SLC22A11: variants seen among roughly 807,000 people sequenced by gnomAD.
The protein encoded by SLC22A11 is solute carrier family 22 member 11.
SLC22A11 carries 42 observed loss-of-function variants against 49.4 expected under a neutral mutation model. The observed-to-expected ratio is 0.85, with a 90% confidence interval of 0.66 to 1.10. The LOEUF is 1.10. Ranked by LOEUF, SLC22A11 falls within the 50% of genes least tolerant of loss-of-function variation. The probability of loss-of-function intolerance (pLI) is 0.00; values close to 1 mark genes in which losing one functional copy is unlikely to be tolerated. For missense variants in SLC22A11, 685 were observed against 731.6 expected (o/e 0.94, Z 0.74); for synonymous variants, 304 against 315.8 (o/e 0.96, Z 0.40).
chr11:64,568,832 C>G, intron 8 of SLC22A11, 54 bp downstream of exon 8: 1 of 1,506,014 alleles, frequency 6.6e-7, no homozygotes, highest in Non-Finnish European at 9.2e-7. Context: ...CCTGAGAGGG[C>G]GGTGGGAAGG....
At chr11:64,567,034 C>A (rs529681654) in intron 6 of SLC22A11, among the ~76,000 whole-genome samples, 2 of 151,126 alleles carry the variant, frequency 1.3e-5, no homozygotes, top group East Asian at 3.9e-4. Context: ...CCCCTGGGAG[C>A]GTGGGAGCTG....
intron 7 of SLC22A11, 100 bp from the exon 8 acceptor site, chr11:64,568,570 G>A (rs751656413): frequency 2.1e-6 from 2 of 953,402 alleles, no homozygotes; most frequent in Non-Finnish European, 3.4e-6. Context: ...CTTGTAGGGA[G>A]CCCAGGGTCC....
rs775672017 is a variant in SLC22A11, at chr11:64,562,201, T to TG, written c.652+45dup. 1 of 1,604,790 alleles carries TG rather than the reference T, an allele frequency of 6.2e-7. No individual in the cohort carries two copies. Among genetic ancestry groups the TG allele is most frequent in the African/African-American group, 1.3e-5 (1 of 74,658 alleles). ...CGCGCTCCTGCCATGGGGGCGGGGG[T>TG]GGCAGGAGAGAATGGGGCTCAGGCC... On this transcript the variant is annotated intron_variant, in intron 3 of 9. Transcript: ENST00000301891. This position sits in a 1 kb window ranked among gnomAD's most constrained non-coding sequence, Gnocchi z 4.4.
chr11:64,565,412 A>C lies in SLC22A11; in HGVS notation c.1058+75A>C, dbSNP rs1283652204. The C allele has an allele frequency of 1.6e-6, 2 of 1,277,008 alleles. No homozygotes were observed. The highest frequency in any genetic ancestry group is 2.2e-6 in the Non-Finnish European group (2 of 910,294). 79.1% of individuals were successfully genotyped at this position (1,277,008 alleles called of 1,614,324 possible). A position where few individuals can be genotyped will look rare whatever the true frequency, so the allele number is the denominator to read the frequency against. On this transcript the variant is annotated intron_variant, in intron 6 of 9. Coordinates refer to ENST00000301891, the MANE Select transcript of SLC22A11 (RefSeq NM_018484.4). This position sits in a 1 kb window ranked among gnomAD's most constrained non-coding sequence, Gnocchi z 4.1. Reference sequence around the variant, plus strand: ...GGCAGAGCTGGGACAGGCAGGAGGCAGAGCGTCCAGGGGAAACAGCACCCG... The same window carrying C: ...GGCAGAGCTGGGACAGGCAGGAGGCCGAGCGTCCAGGGGAAACAGCACCCG...
rs1175359176 is a variant in SLC22A11, at chr11:64,570,915, GC to G, written c.1590-60del. The G allele has an allele frequency of 8.4e-6, 13 of 1,547,516 alleles. No homozygotes were observed. In the Admixed American group the frequency reaches 2.0e-4, roughly 24 times the overall value. ...CCCAATAAGACTTGACCGCCATTTT[GC>G]CCCAAGCTCCGAGTACATACCCACT... On this transcript the variant is annotated intron_variant, in intron 9 of 9. Coordinates refer to ENST00000301891, the MANE Select transcript of SLC22A11 (RefSeq NM_018484.4).
intron 6 of SLC22A11, among the ~76,000 whole-genome samples, chr11:64,567,349 T>C (rs2038639190): frequency 6.6e-6 from 1 of 152,202 alleles, no homozygotes; most frequent in East Asian, 1.9e-4. Flanking sequence ...AGCGCATCGC[T>C]GCCCCTGACA....
At position 64,568,296 on chromosome 11, in the gene SLC22A11, G is replaced by A. The variant is rs552491305; in HGVS notation, c.1274-374G>A. Among the ~76,000 whole-genome samples, 23 of 152,362 alleles carry A rather than the reference G, an allele frequency of 1.5e-4. 1 individual carries two copies. The highest frequency in any genetic ancestry group is 1.5e-3 in the Admixed American group (23 of 15,314). ...CCAGGGCTTCTGCCATCCCCACACA[G>A]GCAGGCTGGCGGGCAGCAGGAAGGC... On this transcript the variant is annotated intron_variant, in intron 7 of 9. Coordinates refer to ENST00000301891, the MANE Select transcript of SLC22A11 (RefSeq NM_018484.4).
intron 6 of SLC22A11, among the ~76,000 whole-genome samples, chr11:64,567,002 C>T (rs2038633897): frequency 6.6e-6 from 1 of 152,012 alleles, no homozygotes; most frequent in South Asian, 2.1e-4. Context: ...GGAGATGCAG[C>T]CACAGCCTGG....
At chr11:64,563,281 ATAAG>A (rs1241667635) in intron 4 of SLC22A11, among the ~76,000 whole-genome samples, 2 of 152,132 alleles carry the variant, frequency 1.3e-5, no homozygotes. Flanking sequence ...ACACCTTCTA[ATAAG>A]TAAGATGATG....
intron 7 of SLC22A11, 134 bp downstream of exon 7, chr11:64,567,947 T>A: frequency 2.1e-6 from 2 of 940,220 alleles, no homozygotes; most frequent in South Asian, 1.7e-5. Flanking sequence ...AGGGAGGCTA[T>A]GAGGACCTGG....
Position 64,568,685 on chromosome 11 carries a change from G to T in SLC22A11, c.1289G>T (p.Arg430Leu), listed in dbSNP as rs140989947. Residue 430 changes from arginine to leucine, a missense_variant, in exon 8 of 10, where the codon CGT becomes CTT. By Grantham distance (102) the Arg-to-Leu change is moderately radical. Transcript: ENST00000301891. ...CTGTACCCAGATTTGCAGACCCTGC[G>T]TGTGGTCTTTGCTGTGCTGGGAAAG... ...MLVPQDLQTL[R>L]VVFAVLGKGC... 1.1e-4 allele frequency: 171 copies of T among 1,614,024 alleles called. 1 individual carries two copies. Among genetic ancestry groups the T allele is most frequent in the Non-Finnish European group, 1.4e-4 (167 of 1,179,994 alleles).
rs763312539 is a variant in SLC22A11 at position 64,562,179 on chromosome 11, G to A, written c.652+21G>A. On this transcript the variant is annotated intron_variant, in intron 3 of 9. Coordinates refer to ENST00000301891, the MANE Select transcript of SLC22A11 (RefSeq NM_018484.4). The surrounding 1 kb of genome is among the most constrained non-coding windows in gnomAD (Gnocchi z 4.4). The stretch of plus-strand genomic sequence containing the variant: ...ACTGAGTGAGTCCCCGGCTCAGCGC[G>A]CTCCTGCCATGGGGGCGGGGGTGGC... The A allele has an allele frequency of 6.0e-5, 96 of 1,609,616 alleles. No homozygotes were observed. Among genetic ancestry groups the A allele is most frequent in the South Asian group, 3.4e-4 (31 of 90,814 alleles).
rs376858745 is a variant in SLC22A11 at position 64,565,320 on chromosome 11, C to T, written c.1041C>T (p.Cys347=). 1.3e-4 allele frequency: 202 copies of T among 1,549,674 alleles called. No homozygotes were observed. Among genetic ancestry groups the T allele is most frequent in the Middle Eastern group, 2.1e-4 (1 of 4,788 alleles). The part of the protein sequence containing the change: ...FCVPVLRWRS[C]AMLVVNFSLL... ...TGCCCGTGCTCCGCTGGAGGAGCTG[C>T]GCCATGCTGGTGGTGAAGTACGCCG... The change falls in exon 6 of 10, where the codon TGC becomes TGT. Residue 347 remains cysteine (C), a synonymous_variant. Transcript: ENST00000301891. The surrounding 1 kb of genome is among the most constrained non-coding windows in gnomAD (Gnocchi z 4.1).
In SLC22A11 at chr11:64,571,127, G is replaced by T. The variant is rs1008137567; in HGVS notation, c.*85G>T. On this transcript the variant is annotated 3_prime_UTR_variant, in exon 10 of 10. Transcript: ENST00000301891. ...TCCAATCAGAGCGTGGAGGCGAGTT[G>T]GGCGACTTCAAGGGCCTGGCATGGC... 2.7e-6 allele frequency: 4 copies of T among 1,482,034 alleles called. No homozygotes were observed. The highest frequency in any genetic ancestry group is 4.5e-5 in the East Asian group (2 of 44,160). 91.8% of individuals were successfully genotyped at this position (1,482,034 alleles called of 1,614,324 possible). A position where few individuals can be genotyped will look rare whatever the true frequency, so the allele number is the denominator to read the frequency against.
In SLC22A11 at chr11:64,565,811, G is replaced by A. The variant is rs1330374027; in HGVS notation, c.1058+474G>A. Reference sequence around the variant, plus strand: ...GGGAAAGAGGATCCCAGAGGGGTAAGGAACAAGCCCAAAATAATAGAGCCT... The same window carrying A: ...GGGAAAGAGGATCCCAGAGGGGTAAAGAACAAGCCCAAAATAATAGAGCCT... On this transcript the variant is annotated intron_variant, in intron 6 of 9. Transcript: ENST00000301891. This position sits in a 1 kb window ranked among gnomAD's most constrained non-coding sequence, Gnocchi z 4.1. 9.0e-6 allele frequency: 3 copies of A among 333,980 alleles called. No homozygotes were observed. The highest frequency in any genetic ancestry group is 1.8e-5 in the Non-Finnish European group (3 of 167,008). 20.7% of individuals were successfully genotyped at this position (333,980 alleles called of 1,614,324 possible).
chr11:64,564,722 C>T lies in SLC22A11; in HGVS notation c.942+294C>T, dbSNP rs529549695. ...ACCAATACCATCACTAACCCCACAGCCACCATCTCTGCAAAACATCTCCAC... is the reference window on the plus strand; with the variant it reads ...ACCAATACCATCACTAACCCCACAGTCACCATCTCTGCAAAACATCTCCAC... On this transcript the variant is annotated intron_variant, in intron 5 of 9. Transcript: ENST00000301891. This position sits in a 1 kb window ranked among gnomAD's most constrained non-coding sequence, Gnocchi z 4.2. 5.9e-5 allele frequency among the ~76,000 whole-genome samples: 9 copies of T among 152,208 alleles called. No homozygotes were observed.
intron 4 of SLC22A11, among the ~76,000 whole-genome samples, chr11:64,563,059 G>A (rs978321216): frequency 3.9e-5 from 6 of 152,188 alleles, no homozygotes; most frequent in Non-Finnish European, 8.8e-5. Context: ...CACTGAGGAA[G>A]GAGACACAGA....
chr11:64,569,784 C>T lies in SLC22A11; in HGVS notation c.1515C>T (p.Ser505=). 1 of 1,614,124 alleles carries T rather than the reference C, an allele frequency of 6.2e-7. No individual in the cohort carries two copies. The highest frequency in any genetic ancestry group is 1.3e-5 in the African/African-American group (1 of 75,044). ...ATGGCGTTATCTCCATTGCTTCCAG[C>T]CTGGTTGTGCTGTTCTTCCTCCCGG... The part of the protein sequence containing the change: ...LLYGVISIAS[S]LVVLFFLPET... The change falls in exon 9 of 10, where the codon AGC becomes AGT. Residue 505 remains serine (S), a synonymous_variant. Transcript: ENST00000301891.
chr11:64,569,974 A>G (rs2038683035), intron 9 of SLC22A11, 116 bp downstream of exon 9: 3 of 874,134 alleles, frequency 3.4e-6, no homozygotes, highest in East Asian at 5.1e-5. Flanking sequence ...TGTTTCTGAA[A>G]CCATTTAATC....
Sources: gnomAD v4.1 joint callset for allele counts (sites outside exome capture counted in the v4.1 genomes callset) on GRCh38, gnomAD v4.1.1 for gene constraint, Gnocchi (gnomAD v3.1) non-coding constraint, MANE v1.5 for transcripts, NCBI Gene and HGNC (gene_info 2026-07-23, HGNC 2026-07-21) for gene names.